MVB12B: variants seen among roughly 807,000 people sequenced by gnomAD.
MVB12B encodes multivesicular body subunit 12B.
Under a neutral mutation model 41.6 loss-of-function variants are expected in MVB12B, and 16 were observed. The ratio of observed to expected loss-of-function variants is 0.38; its 90% confidence interval spans 0.26 to 0.58. The LOEUF is 0.58. MVB12B is among the 20% of genes least tolerant of loss of function. The pLI, the probability that MVB12B is intolerant of heterozygous loss-of-function variation, is 0.62. For synonymous variants in MVB12B, 133 were observed against 139.7 expected, an observed-to-expected ratio of 0.95 and a Z score of 0.34; for missense variants, 274 against 380.2, an observed-to-expected ratio of 0.72 and a Z score of 2.32.
Position 126,431,377 on chromosome 9 carries a change from G to A in MVB12B, c.757+9429G>A, listed in dbSNP as rs748152073. Among the ~76,000 whole-genome samples the A allele has an allele frequency of 4.6e-5, 7 of 152,318 alleles. No homozygotes were observed. In the South Asian group the frequency reaches 6.2e-4, roughly 14 times the overall value. On this transcript the variant is annotated intron_variant, in intron 7 of 9. Transcript: ENST00000361171. ...AGGAAGGAGAGAAGTGCTTGGCAGC[G>A]TGAGGCTGCAACTTCTATAAAATCT... is the stretch of plus-strand genomic sequence containing the variant.
intron 9 of MVB12B, among the ~76,000 whole-genome samples, chr9:126,485,457 A>G (rs1159006692): frequency 1.3e-5 from 1 of 75,906 alleles, no homozygotes; most frequent in Non-Finnish European, 2.6e-5. Context: ...GGTACCGTCC[A>G]CTGTGCTTCA....
At chr9:126,421,767 C>A (rs1832026503) in intron 6 of MVB12B, 87 bp from the exon 7 acceptor site, 1 of 993,048 alleles carries the variant, frequency 1.0e-6, no homozygotes, top group Non-Finnish European at 1.6e-6. Flanking sequence ...ATCTGTGCTG[C>A]ATTTCAGCTG....
intron 7 of MVB12B, among the ~76,000 whole-genome samples, chr9:126,476,830 T>C (rs1303692252): frequency 7.0e-6 from 1 of 143,878 alleles, no homozygotes; most frequent in African/African-American, 2.6e-5. Flanking sequence ...TGAGCCAAGA[T>C]TGCGCCACTG....
At chr9:126,463,096 T>C (rs898552190) in intron 7 of MVB12B, among the ~76,000 whole-genome samples, 1 of 152,206 alleles carries the variant, frequency 6.6e-6, no homozygotes, top group African/African-American at 2.4e-5. Context: ...GCTGGTCCAT[T>C]GGAGCTGAGT....
At chr9:126,484,099 G>C in intron 9 of MVB12B, 67 bp downstream of exon 9, 1 of 1,479,666 alleles carries the variant, frequency 6.8e-7, no homozygotes, top group Non-Finnish European at 9.4e-7. Flanking sequence ...CGTCTCTCGT[G>C]TGTTCCCCTA....
rs115830999 is a variant in MVB12B, at chr9:126,436,922, A to G, written c.757+14974A>G. 7.4e-3 allele frequency among the ~76,000 whole-genome samples: 1,133 copies of G among 152,350 alleles called. 15 individuals are homozygous for G. The highest frequency in any genetic ancestry group is 0.025 in the African/African-American group (1,046 of 41,570). On this transcript the variant is annotated intron_variant, in intron 7 of 9. Coordinates refer to ENST00000361171, the MANE Select transcript of MVB12B (RefSeq NM_033446.3). The surrounding 1 kb of genome is among the most constrained non-coding windows in gnomAD (Gnocchi z 4.1). ...AAAAGAATTTATTTTAGGTGGACCA[A>G]TTAAAACTTTGGAAGCTAATTTTTT...
intron 1 of MVB12B, among the ~76,000 whole-genome samples, chr9:126,328,540 C>A (rs146644904): frequency 1.1e-3 from 168 of 152,226 alleles, no homozygotes; most frequent in African/African-American, 3.6e-3. Context: ...TGCCCTTGGA[C>A]AAATTATTGA....
intron 6 of MVB12B, among the ~76,000 whole-genome samples, chr9:126,401,814 G>T (rs534609738): frequency 2.0e-5 from 3 of 152,150 alleles, no homozygotes; most frequent in Non-Finnish European, 4.4e-5. Context: ...TGATTAACTC[G>T]CAGAGTAAGT....
At chr9:126,360,686 T>G (rs1830006419) in intron 2 of MVB12B, among the ~76,000 whole-genome samples, 2 of 152,260 alleles carry the variant, frequency 1.3e-5, no homozygotes, top group Admixed American at 1.3e-4. Context: ...TTAAAATCTC[T>G]GACTATAATT....
chr9:126,361,535 A>T (rs1273010439), intron 2 of MVB12B, among the ~76,000 whole-genome samples: 1 of 152,030 alleles, frequency 6.6e-6, no homozygotes, highest in East Asian at 1.9e-4. Flanking sequence ...TTTTGTGTAG[A>T]TCTGCATTTG....
At chr9:126,399,510 G>T (rs983686035) in intron 6 of MVB12B, among the ~76,000 whole-genome samples, 1 of 152,160 alleles carries the variant, frequency 6.6e-6, no homozygotes, top group African/African-American at 2.4e-5. Context: ...TGGGGCAGGG[G>T]GCCAAGAGAG....
Position 126,376,501 on chromosome 9 carries a change from TG to T in MVB12B, c.205-4562del. 1 of 1,288,946 alleles carries T rather than the reference TG, an allele frequency of 7.8e-7. No homozygotes were observed. The highest frequency in any genetic ancestry group is 1.0e-6 in the Non-Finnish European group (1 of 988,740). The allele number at this position is 1,288,946 out of a possible 1,614,324, so 79.8% of individuals were successfully genotyped here. A position where few individuals can be genotyped will look rare whatever the true frequency, so the allele number is the denominator to read the frequency against. On this transcript the variant is annotated intron_variant, in intron 2 of 9. Transcript: ENST00000361171. The surrounding 1 kb of genome is among the most constrained non-coding windows in gnomAD (Gnocchi z 4.1). ...TGTGGGTGGGGGGCCTGCTGGCTGG[TG>T]TGCTACACAGTGGGGCGACGAGCAG...
At chr9:126,500,714 A>G (rs1183975571) in intron 9 of MVB12B, among the ~76,000 whole-genome samples, 1 of 152,204 alleles carries the variant, frequency 6.6e-6, no homozygotes, top group African/African-American at 2.4e-5. Context: ...GTAGGCCCTC[A>G]GCCCCGCTGT....
chr9:126,396,344 G>A (rs1266336773), intron 6 of MVB12B: 1 of 985,506 alleles, frequency 1.0e-6, no homozygotes, highest in Non-Finnish European at 1.2e-6. Flanking sequence ...GCATCACTAG[G>A]AGTAAACTAA....
Position 126,395,570 on chromosome 9 carries a change from T to C in MVB12B, c.540-5T>C. 6.2e-7 allele frequency: 1 copy of C among 1,613,868 alleles called. No homozygotes were observed. The highest frequency in any genetic ancestry group is 8.5e-7 in the Non-Finnish European group (1 of 1,179,932). On this transcript the variant is annotated splice_polypyrimidine_tract_variant and splice_region_variant and intron_variant, in intron 5 of 9. Coordinates refer to ENST00000361171, the MANE Select transcript of MVB12B (RefSeq NM_033446.3). This position sits in a 1 kb window ranked among gnomAD's most constrained non-coding sequence, Gnocchi z 4.9. The stretch of plus-strand genomic sequence containing the variant: ...AGCCATGAAGATTTCTCTTTTTTCC[T>C]AAAGGGAACTGAACAGCATGGGGAT...
At chr9:126,374,613 G>A (rs1004415807) in intron 2 of MVB12B, among the ~76,000 whole-genome samples, 28 of 152,304 alleles carry the variant, frequency 1.8e-4, no homozygotes, top group African/African-American at 6.5e-4. Flanking sequence ...ACCATCCCAG[G>A]GACTGCCTGG....
intron 9 of MVB12B, among the ~76,000 whole-genome samples, chr9:126,496,804 G>A (rs1349879119): frequency 2.0e-5 from 3 of 152,120 alleles, no homozygotes; most frequent in Non-Finnish European, 4.4e-5. Context: ...CCTGCTCCTG[G>A]ACACAGGCCA....
At chr9:126,440,897 AT>A (rs1832619100) in intron 7 of MVB12B, among the ~76,000 whole-genome samples, 1 of 152,260 alleles carries the variant, frequency 6.6e-6, no homozygotes, top group African/African-American at 2.4e-5. Flanking sequence ...TAACTAGCTA[AT>A]AACAGCTACA....
At chr9:126,470,286 G>A (rs1181462488) in intron 7 of MVB12B, among the ~76,000 whole-genome samples, 2 of 151,996 alleles carry the variant, frequency 1.3e-5, no homozygotes, top group African/African-American at 2.4e-5. Flanking sequence ...ATGGCTCTCC[G>A]TGGTGTCTGC....
Sources: allele counts gnomAD v4.1 joint callset (sites outside exome capture counted in the v4.1 genomes callset), GRCh38; gene constraint gnomAD v4.1.1; non-coding constraint Gnocchi (gnomAD v3.1); transcripts MANE v1.5; gene names NCBI Gene and HGNC (gene_info 2026-07-23, HGNC 2026-07-21).